The following GLG1 variants were observed in gnomAD, a reference collection of about 807,000 sequenced individuals.
GLG1 encodes Golgi apparatus protein 1.
In GLG1, 38 loss-of-function variants were observed where a neutral mutation model predicts 160.5. The ratio of observed to expected loss-of-function variants is 0.24; its 90% confidence interval spans 0.18 to 0.31. The LOEUF is 0.31. Ranked by LOEUF, GLG1 falls within the 10% of genes least tolerant of loss-of-function variation. The pLI is 1.00. For synonymous variants in GLG1, 644 were observed against 543.4 expected (o/e 1.19, Z -2.57); for missense variants, 1,373 against 1,505.2 (o/e 0.91, Z 1.45).
intron 1 of GLG1, among the ~76,000 whole-genome samples, chr16:74,568,649 A>G (rs1263599854): frequency 6.6e-6 from 1 of 151,876 alleles, no homozygotes; most frequent in Non-Finnish European, 1.5e-5. Flanking sequence ...AACTCCTGAT[A>G]TCAGGTGATC....
intron 1 of GLG1, among the ~76,000 whole-genome samples, chr16:74,591,617 G>C (rs1266535484): frequency 6.6e-6 from 1 of 152,112 alleles, no homozygotes; most frequent in Non-Finnish European, 1.5e-5. Context: ...GACAGAGCAA[G>C]ACTCTGTCTC....
intron 1 of GLG1, among the ~76,000 whole-genome samples, chr16:74,573,364 TA>T: frequency 6.6e-6 from 1 of 152,062 alleles, no homozygotes; most frequent in Non-Finnish European, 1.5e-5. Flanking sequence ...TTAAGTACAA[TA>T]ATAATCGTAT....
intron 20 of GLG1, chr16:74,462,931 CAG>C: frequency 2.2e-6 from 1 of 452,092 alleles, no homozygotes; most frequent in Non-Finnish European, 3.9e-6. Context: ...TTCCCCATAA[CAG>C]ACACTTTTGA....
At position 74,494,851 on chromosome 16, in the gene GLG1, CAT is replaced by C. The variant is rs750575221; in HGVS notation, c.979-22_979-21del. The C allele has an allele frequency of 1.7e-6, 2 of 1,181,378 alleles. No individual in the cohort carries two copies. Among genetic ancestry groups the C allele is most frequent in the Non-Finnish European group, 2.5e-6 (2 of 785,814 alleles). 73.2% of individuals were successfully genotyped at this position (1,181,378 alleles called of 1,614,324 possible). A position where few individuals can be genotyped will look rare whatever the true frequency, so the allele number is the denominator to read the frequency against. ...TTGTGTCTATAAGATGGAACATACA[CAT>C]TATTATTACTTTAGCTAAATAGTTA... On this transcript the variant is annotated intron_variant, in intron 5 of 25. Coordinates refer to ENST00000422840, the MANE Select transcript of GLG1 (RefSeq NM_001145667.2).
At chr16:74,579,067 GA>G (rs1353698128) in intron 1 of GLG1, among the ~76,000 whole-genome samples, 1 of 152,184 alleles carries the variant, frequency 6.6e-6, no homozygotes, top group Non-Finnish European at 1.5e-5. Context: ...TACACAAGCT[GA>G]GAAGTTAAAT....
At chr16:74,487,303 T>C (rs1420578801) in intron 8 of GLG1, among the ~76,000 whole-genome samples, 1 of 152,016 alleles carries the variant, frequency 6.6e-6, no homozygotes, top group South Asian at 2.1e-4. Context: ...TGGAACCCTG[T>C]TGTGTCACTG....
rs2016285658 is a variant in GLG1 at position 74,498,458 on chromosome 16, A to AG, written c.775-1815_775-1814insC. ...CAAAAAAAAAAAAAAGTATATATATATATATATATTATATTTTATATATAT... is the reference window on the plus strand; with the variant it reads ...CAAAAAAAAAAAAAAGTATATATATAGTATATATATTATATTTTATATATAT... On this transcript the variant is annotated intron_variant, in intron 4 of 25. Transcript: ENST00000422840. Among the ~76,000 whole-genome samples, 6 of 102,126 alleles carry AG rather than the reference A, an allele frequency of 5.9e-5. 1 individual carries two copies. The highest frequency in any genetic ancestry group is 1.1e-4 in the Admixed American group (1 of 9,422). 67.0% of individuals were successfully genotyped at this position (102,126 alleles called of 152,430 possible). A position where few individuals can be genotyped will look rare whatever the true frequency, so the allele number is the denominator to read the frequency against.
intron 4 of GLG1, among the ~76,000 whole-genome samples, chr16:74,502,607 G>T (rs748850420): frequency 6.6e-6 from 1 of 151,006 alleles, no homozygotes; most frequent in Non-Finnish European, 1.5e-5. Flanking sequence ...GCAGTGGCGC[G>T]ATCTCGGCTC....
intron 4 of GLG1, 45 bp downstream of exon 4, chr16:74,503,486 C>G (rs374063977): frequency 6.5e-5 from 85 of 1,312,430 alleles, no homozygotes; most frequent in Non-Finnish European, 8.5e-5. Context: ...TTTCATACAC[C>G]AAATTTTAAG....
chr16:74,459,687 T>C lies in GLG1; in HGVS notation c.3139A>G (p.Lys1047Glu), dbSNP rs750174462. 2.6e-6 allele frequency: 4 copies of C among 1,521,760 alleles called. No homozygotes were observed. The highest frequency in any genetic ancestry group is 3.6e-6 in the Non-Finnish European group (4 of 1,103,048). The allele number at this position is 1,521,760 out of a possible 1,614,324, so 94.3% of individuals were successfully genotyped here. A position where few individuals can be genotyped will look rare whatever the true frequency, so the allele number is the denominator to read the frequency against. ...NLLKIKTELC[K>E]KEVLNMLKES... The stretch of plus-strand genomic sequence containing the variant: ...AAGAAGGTGACGGTGGTTACCTTTT[T>C]ACACAATTCTGTTTTGATCTTGAGC... Residue 1047 changes from lysine (K) to glutamate (E), a missense_variant, in exon 23 of 26, where the codon AAA becomes GAA. Lys to Glu is a moderately conservative substitution (Grantham distance 56). Around this residue, in one of 4 missense-constraint regions of GLG1, gnomAD observed 491 missense variants for 632.1 expected, o/e 0.78. Coordinates refer to ENST00000422840, the MANE Select transcript of GLG1 (RefSeq NM_001145667.2).
At position 74,451,838 on chromosome 16, in the gene GLG1, T is replaced by G; in HGVS notation, c.*1329A>C. On this transcript the variant is annotated 3_prime_UTR_variant, in exon 26 of 26. Coordinates refer to ENST00000422840, the MANE Select transcript of GLG1 (RefSeq NM_001145667.2). ...AGGAATGAGGCGGGATGGCCAAGAATATTGCTTCTATAAAGCCCATATTCT... is the reference window on the plus strand; with the variant it reads ...AGGAATGAGGCGGGATGGCCAAGAAGATTGCTTCTATAAAGCCCATATTCT... 1 of 509,640 alleles carries G rather than the reference T, an allele frequency of 2.0e-6. No individual in the cohort carries two copies. The allele number at this position is 509,640 out of a possible 1,614,324, so 31.6% of individuals were successfully genotyped here. A position where few individuals can be genotyped will look rare whatever the true frequency, so the allele number is the denominator to read the frequency against.
At chr16:74,541,122 G>A (rs1045083218) in intron 1 of GLG1, among the ~76,000 whole-genome samples, 34 of 152,010 alleles carry the variant, frequency 2.2e-4, no homozygotes, top group South Asian at 4.2e-4. Flanking sequence ...TCAGGTGTTC[G>A]AGACCAGCCT....
intron 1 of GLG1, among the ~76,000 whole-genome samples, chr16:74,577,842 C>A (rs1249968877): frequency 6.6e-6 from 1 of 151,808 alleles, no homozygotes; most frequent in African/African-American, 2.4e-5. Context: ...ATCTCAAATT[C>A]CTGAGCTCAA....
At chr16:74,477,023 GA>G (rs1407911721) in intron 12 of GLG1, among the ~76,000 whole-genome samples, 1 of 152,174 alleles carries the variant, frequency 6.6e-6, no homozygotes, top group Admixed American at 6.5e-5. Flanking sequence ...AAAAGGAAAG[GA>G]AAGAGGATGT....
chr16:74,574,828 G>C (rs528079264), intron 1 of GLG1, among the ~76,000 whole-genome samples: 68 of 126,006 alleles, frequency 5.4e-4, no homozygotes, highest in African/African-American at 1.9e-3. Context: ...AGGTTGCAGT[G>C]AGCCTAGATT....
intron 1 of GLG1, among the ~76,000 whole-genome samples, chr16:74,577,901 A>C (rs562009118): frequency 6.6e-6 from 1 of 151,566 alleles, no homozygotes; most frequent in Non-Finnish European, 1.5e-5. Context: ...AAAAGTGTGC[A>C]GTGGCTCATG....
chr16:74,504,112 A>G (rs1438076088), intron 3 of GLG1, among the ~76,000 whole-genome samples: 1 of 152,188 alleles, frequency 6.6e-6, no homozygotes, highest in Admixed American at 6.5e-5. Context: ...CATGCAAAAA[A>G]TGCAGGAGAC....
chr16:74,560,050 T>C (rs2018464779), intron 1 of GLG1, among the ~76,000 whole-genome samples: 1 of 152,192 alleles, frequency 6.6e-6, no homozygotes, highest in Non-Finnish European at 1.5e-5. Context: ...AGGTATTTTA[T>C]GAGGATGATG....
Position 74,450,936 on chromosome 16 carries a change from T to C in GLG1, c.*2231A>G, listed in dbSNP as rs1259215921. 6.6e-6 allele frequency: 1 copy of C among 151,732 alleles called. No homozygotes were observed. The highest frequency in any genetic ancestry group is 1.5e-5 in the Non-Finnish European group (1 of 67,996). 9.4% of individuals were successfully genotyped at this position (151,732 alleles called of 1,614,324 possible). The stretch of plus-strand genomic sequence containing the variant: ...GACAACGAATGGGATTTTCTCTCAA[T>C]TCAGAAAGAACAGAAATATCAACAC... On this transcript the variant is annotated 3_prime_UTR_variant, in exon 26 of 26. Coordinates refer to ENST00000422840, the MANE Select transcript of GLG1 (RefSeq NM_001145667.2).
Sources: allele counts gnomAD v4.1 joint callset (sites outside exome capture counted in the v4.1 genomes callset), GRCh38; gene constraint gnomAD v4.1.1; regional missense constraint gnomAD v4.1.1; transcripts MANE v1.5; gene names NCBI Gene and HGNC (gene_info 2026-07-23, HGNC 2026-07-21).